ERICH1: variants seen among roughly 807,000 people sequenced by gnomAD.
The protein encoded by ERICH1 is glutamate-rich protein 1.
ERICH1 carries 56 observed loss-of-function variants against 39.6 expected under a neutral mutation model. That is an observed-to-expected ratio of 1.41 (90% CI 1.14 to 1.77). The LOEUF (loss-of-function observed/expected upper bound fraction) is 1.77. Ranked by LOEUF, ERICH1 falls within the 40% of genes most tolerant of loss-of-function variation. The pLI is 0.00. For missense variants in ERICH1, 826 were observed against 575.4 expected, an observed-to-expected ratio of 1.44 and a Z score of -4.45; for synonymous variants, 313 against 223.6, an observed-to-expected ratio of 1.40 and a Z score of -3.57.
At chr8:639,345 CA>C (rs1270877808) in intron 3 of ERICH1, among the ~76,000 whole-genome samples, 1 of 152,158 alleles carries the variant, frequency 6.6e-6, no homozygotes, top group Non-Finnish European at 1.5e-5. Context: ...GGCTGCATAT[CA>C]AGGTATACAT....
chr8:640,269 T>G (rs572383464), intron 3 of ERICH1, among the ~76,000 whole-genome samples: 13 of 152,336 alleles, frequency 8.5e-5, no homozygotes, highest in African/African-American at 3.1e-4. Flanking sequence ...TCTTTCTATT[T>G]TGGCTGAACT....
intron 2 of ERICH1, among the ~76,000 whole-genome samples, chr8:699,599 A>G (rs1303425583): frequency 6.6e-6 from 1 of 152,130 alleles, no homozygotes; most frequent in East Asian, 1.9e-4. Flanking sequence ...TCCTATTTTC[A>G]TCATATTTAA....
intron 3 of ERICH1, among the ~76,000 whole-genome samples, chr8:686,085 A>C (rs1807287199): frequency 6.6e-6 from 1 of 151,988 alleles, no homozygotes; most frequent in Non-Finnish European, 1.5e-5. Flanking sequence ...GCTTAAACCC[A>C]GAAGGCAGAG....
intron 3 of ERICH1, among the ~76,000 whole-genome samples, chr8:651,418 G>A (rs558747115): frequency 2.2e-4 from 34 of 152,342 alleles, no homozygotes; most frequent in Admixed American, 1.4e-3. Context: ...CAGCTCCGGG[G>A]CACAGAAAGT....
intron 3 of ERICH1, among the ~76,000 whole-genome samples, chr8:687,972 C>G (rs1585314174): frequency 6.8e-6 from 1 of 148,148 alleles, no homozygotes; most frequent in Admixed American, 6.6e-5. Context: ...GAGAAGGCGC[C>G]GAGAGACCTG....
intron 2 of ERICH1, among the ~76,000 whole-genome samples, chr8:707,208 C>CTTA (rs1554525033): frequency 3.7e-5 from 5 of 136,422 alleles, no homozygotes; most frequent in African/African-American, 5.6e-5. Flanking sequence ...TTTTTTGTTT[C>CTTA]TTTTTTTTTT....
rs567496098 is a variant in ERICH1 at position 653,897 on chromosome 8, C to T, written c.976+14701G>A. Among the ~76,000 whole-genome samples, 101 of 150,614 alleles carry T rather than the reference C, an allele frequency of 6.7e-4. 1 individual carries two copies. Among genetic ancestry groups the T allele is most frequent in the African/African-American group, 2.3e-3 (92 of 40,828 alleles). On this transcript the variant is annotated intron_variant, in intron 3 of 3. Coordinates refer to the ERICH1 transcript ENST00000522706. ...GGGAATCTGGACACAGGCTATAACA[C>T]GAGAAACCCTGAGGATGTTATGCTG...
chr8:652,794 C>A (rs1236735136), intron 3 of ERICH1, among the ~76,000 whole-genome samples: 3 of 152,050 alleles, frequency 2.0e-5, no homozygotes, highest in South Asian at 4.1e-4. Context: ...GGCACGGGAC[C>A]GGAATGGAAA....
At chr8:616,928 G>C (rs547124992) in intron 3 of ERICH1, among the ~76,000 whole-genome samples, 1 of 57,052 alleles carries the variant, frequency 1.8e-5, no homozygotes, top group South Asian at 6.5e-4. Flanking sequence ...GACAGAAAGA[G>C]ACAGAGAGAG....
chr8:618,895 G>A (rs187694372), intron 3 of ERICH1, among the ~76,000 whole-genome samples: 86 of 152,278 alleles, frequency 5.6e-4, no homozygotes, highest in African/African-American at 2.0e-3. Flanking sequence ...CGTCTTGGGA[G>A]TGGTGGACTC....
intron 2 of ERICH1, among the ~76,000 whole-genome samples, chr8:703,034 G>C (rs919158039): frequency 6.6e-6 from 1 of 152,216 alleles, no homozygotes; most frequent in East Asian, 1.9e-4. Context: ...ATGCACATGA[G>C]CTGCGTGAGC....
chr8:680,648 C>T (rs1333081879), intron 3 of ERICH1, among the ~76,000 whole-genome samples: 1 of 152,146 alleles, frequency 6.6e-6, no homozygotes, highest in Non-Finnish European at 1.5e-5. Context: ...GAATCCACAG[C>T]TGCCACCCTT....
intron 1 of ERICH1, among the ~76,000 whole-genome samples, chr8:724,388 CA>C (rs1818074304): frequency 6.6e-6 from 1 of 152,188 alleles, no homozygotes; most frequent in Admixed American, 6.5e-5. Context: ...TTTTAACCAG[CA>C]TTTGTCGTAT....
At chr8:629,332 A>T (rs1797784856) in intron 3 of ERICH1, among the ~76,000 whole-genome samples, 1 of 151,714 alleles carries the variant, frequency 6.6e-6, no homozygotes, top group Non-Finnish European at 1.5e-5. Context: ...GACAGAGCTG[A>T]CTCACACCCT....
intron 3 of ERICH1, among the ~76,000 whole-genome samples, chr8:632,574 T>C (rs1172960551): frequency 6.6e-6 from 1 of 152,188 alleles, no homozygotes; most frequent in Non-Finnish European, 1.5e-5. Context: ...GTATCCAGAA[T>C]ACTTAAGGAA....
intron 3 of ERICH1, among the ~76,000 whole-genome samples, chr8:653,075 C>T (rs540610171): frequency 4.8e-4 from 73 of 152,318 alleles, no homozygotes; most frequent in Non-Finnish European, 8.5e-4. Context: ...ATTTAATTAC[C>T]GTATGATCCA....
intron 3 of ERICH1, among the ~76,000 whole-genome samples, chr8:616,914 G>C (rs367672935): frequency 2.0e-5 from 1 of 49,440 alleles, no homozygotes; most frequent in African/African-American, 2.0e-4. Flanking sequence ...GAGAGAGAGA[G>C]AGAGACAGAA....
intron 3 of ERICH1, among the ~76,000 whole-genome samples, chr8:687,644 G>A (rs959643295): frequency 6.6e-6 from 1 of 152,278 alleles, no homozygotes; most frequent in South Asian, 2.1e-4. Flanking sequence ...GGCAGCGCGC[G>A]GGGAGCGCCC....
chr8:639,444 T>G (rs1798733546), intron 3 of ERICH1, among the ~76,000 whole-genome samples: 1 of 152,176 alleles, frequency 6.6e-6, no homozygotes, highest in African/African-American at 2.4e-5. Flanking sequence ...CACTTTGAAC[T>G]AAGAATTCTG....
Sources: allele counts gnomAD v4.1 joint callset (sites outside exome capture counted in the v4.1 genomes callset), GRCh38; gene constraint gnomAD v4.1.1; transcripts MANE v1.5; gene names NCBI Gene and HGNC (gene_info 2026-07-23, HGNC 2026-07-21).